TBC1D24: variants seen among roughly 807,000 people sequenced by gnomAD.
TBC1D24 encodes TBC1 domain family member 24, also known as Infantile myoclonic epilepsy.
TBC1D24 carries 47 observed loss-of-function variants against 50.7 expected under a neutral mutation model. That is an observed-to-expected ratio of 0.93 (90% CI 0.73 to 1.18). TBC1D24 has a LOEUF of 1.18. Ranked by LOEUF, TBC1D24 falls within the 50% of genes most tolerant of loss-of-function variation. The pLI is 0.00. For synonymous variants in TBC1D24, 324 were observed against 335.2 expected (o/e 0.97, Z 0.36); for missense variants, 688 against 766.5 (o/e 0.90, Z 1.21).
In TBC1D24 at chr16:2,486,322, C is replaced by T. The variant is rs1393013757; in HGVS notation, c.-115-9712C>T. ...CCCGGCCTCATTTCCTCTTCCTCTT[C>T]ATTCCCGGTCCCACTCCCAGGAAAT... On this transcript the variant is annotated intron_variant, in intron 1 of 7. Transcript: ENST00000646147. The surrounding 1 kb of genome is among the most constrained non-coding windows in gnomAD (Gnocchi z 5.8). 2.0e-5 allele frequency among the ~76,000 whole-genome samples: 3 copies of T among 152,238 alleles called. No homozygotes were observed. The highest frequency in any genetic ancestry group is 7.2e-5 in the African/African-American group (3 of 41,454).
rs1178760982 is a variant in TBC1D24, at chr16:2,497,130, C to CTGTGAGGG, written c.965+18_965+25dup. 1 of 1,599,550 alleles carries CTGTGAGGG rather than the reference C, an allele frequency of 6.3e-7. No individual in the cohort carries two copies. The highest frequency in any genetic ancestry group is 8.5e-7 in the Non-Finnish European group (1 of 1,179,918). On this transcript the variant is annotated intron_variant, in intron 2 of 7. Transcript: ENST00000646147. ...GCAGAAGAGGTAGGTCGCCGGCAGC[C>CTGTGAGGG]TGTGAGGGGTACACCCAGGGTCGGG...
chr16:2,478,488 T>TA (rs1359780813), intron 1 of TBC1D24: 2 of 152,282 alleles, frequency 1.3e-5, no homozygotes, highest in Admixed American at 1.3e-4. Flanking sequence ...GACTGGGCAG[T>TA]AAGCATATGT....
intron 1 of TBC1D24, among the ~76,000 whole-genome samples, chr16:2,493,858 G>A (rs542263284): frequency 2.6e-5 from 4 of 152,350 alleles, no homozygotes; most frequent in African/African-American, 9.6e-5. Context: ...TGTTCTTGGA[G>A]AAACACCAAC....
intron 1 of TBC1D24, among the ~76,000 whole-genome samples, chr16:2,495,458 G>A (rs893378654): frequency 6.6e-6 from 1 of 152,168 alleles, no homozygotes; most frequent in African/African-American, 2.4e-5. Context: ...CCAGCCTGGA[G>A]AGCATAGCGA....
chr16:2,492,785 A>G (rs535810617), intron 1 of TBC1D24, among the ~76,000 whole-genome samples: 4 of 152,126 alleles, frequency 2.6e-5, no homozygotes, highest in African/African-American at 7.2e-5. Context: ...TGCTGTGGGC[A>G]AGGTTTTTCC....
rs1018291192 is a variant in TBC1D24, at chr16:2,503,038, C to T, written c.*2080C>T. On this transcript the variant is annotated 3_prime_UTR_variant, in exon 8 of 8. Transcript: ENST00000646147. ...CCTCCAGGAGCAGGGAAGTCATATC[C>T]GTGGACCATTTGTAGGTTTCCCTCT... 4.6e-5 allele frequency: 7 copies of T among 152,370 alleles called. No individual in the cohort carries two copies. The highest frequency in any genetic ancestry group is 2.1e-4 in the South Asian group (1 of 4,830). 9.4% of individuals were successfully genotyped at this position (152,370 alleles called of 1,614,324 possible).
rs267607103 is a variant in TBC1D24, at chr16:2,496,587, G to A, written c.439G>A (p.Asp147Asn). 6.6e-5 allele frequency: 106 copies of A among 1,609,514 alleles called. 1 individual carries two copies. In the East Asian group the frequency reaches 1.4e-3, roughly 21 times the overall value. ...VVALLLHYSI[D>N]EAECFEKACR... ...GGCCCTGCTGCTGCACTACAGCATC[G>A]ACGAGGCCGAGTGCTTCGAGAAGGC... The change falls in exon 2 of 8, where the codon GAC (aspartate) becomes AAC (asparagine). Residue 147 changes from aspartate (D) to asparagine (N), a missense_variant. Transcript: ENST00000646147.
chr16:2,495,695 C>T (rs1447647050), intron 1 of TBC1D24, among the ~76,000 whole-genome samples: 1 of 152,084 alleles, frequency 6.6e-6, no homozygotes, highest in Non-Finnish European at 1.5e-5. Flanking sequence ...TGGAGAATCG[C>T]TTGAACCAGG....
chr16:2,487,454 G>A lies in TBC1D24; in HGVS notation c.-115-8580G>A, dbSNP rs2065659624. Among the ~76,000 whole-genome samples the A allele has an allele frequency of 6.6e-6, 1 of 152,244 alleles. No homozygotes were observed. The highest frequency in any genetic ancestry group is 2.4e-5 in the African/African-American group (1 of 41,470). On this transcript the variant is annotated intron_variant, in intron 1 of 7. Transcript: ENST00000646147. This position sits in a 1 kb window ranked among gnomAD's most constrained non-coding sequence, Gnocchi z 4.1. ...GGGTTGGTGTTGGCCGTGTTAAAAT[G>A]TCATCAATGAGGCTAAATGTGTGTT...
chr16:2,478,546 G>A (rs897960063), intron 1 of TBC1D24: 1 of 152,260 alleles, frequency 6.6e-6, no homozygotes, highest in Non-Finnish European at 1.5e-5. Context: ...AGCATTTTGG[G>A]GATGCTGTGT....
chr16:2,496,267 G>A lies in TBC1D24; in HGVS notation c.119G>A (p.Arg40His), dbSNP rs760474458. Residue 40 changes from arginine to histidine, a missense_variant, in exon 2 of 8, where the codon CGC becomes CAC. Transcript: ENST00000646147. Reference protein sequence around the residue: ...TELQELKQLARQGYWAQSHAL... With the variant: ...TELQELKQLAHQGYWAQSHAL... ...CTGCAGGAACTGAAGCAGCTGGCGC[G>A]CCAGGGCTACTGGGCCCAAAGCCAC... 3.7e-6 allele frequency: 6 copies of A among 1,613,774 alleles called. No individual in the cohort carries two copies. The highest frequency in any genetic ancestry group is 4.5e-5 in the East Asian group (2 of 44,878).
At position 2,499,698 on chromosome 16, in the gene TBC1D24, C is replaced by T. The variant is rs959033323; in HGVS notation, c.1207-137C>T. ...GCAACACTGCCTTTCCCACACCACT[C>T]CTGCCCTGGGGTGGGGGTGGGAGAC... On this transcript the variant is annotated intron_variant, in intron 5 of 7. Transcript: ENST00000646147. This position sits in a 1 kb window ranked among gnomAD's most constrained non-coding sequence, Gnocchi z 4.0. 2.3e-6 allele frequency: 2 copies of T among 852,842 alleles called. No individual in the cohort carries two copies. Among genetic ancestry groups the T allele is most frequent in the African/African-American group, 3.3e-5 (2 of 60,138 alleles). 52.8% of individuals were successfully genotyped at this position (852,842 alleles called of 1,614,324 possible). A position where few individuals can be genotyped will look rare whatever the true frequency, so the allele number is the denominator to read the frequency against.
In TBC1D24 at chr16:2,489,325, G is replaced by A. The variant is rs542078233; in HGVS notation, c.-115-6709G>A. On this transcript the variant is annotated intron_variant, in intron 1 of 7. Coordinates refer to ENST00000646147, the MANE Select transcript of TBC1D24 (RefSeq NM_001199107.2). ...TGGGCGTCTGTAGTCCCAGCTACTC[G>A]GGAGGCTGAGGCAGGAGAATGGTGT... Among the ~76,000 whole-genome samples, 12 of 152,092 alleles carry A rather than the reference G, an allele frequency of 7.9e-5. No homozygotes were observed. In the South Asian group the frequency reaches 1.7e-3, roughly 21 times the overall value.
At position 2,499,306 on chromosome 16, in the gene TBC1D24, C is replaced by T. The variant is rs1446504375; in HGVS notation, c.1143-51C>T. On this transcript the variant is annotated intron_variant, in intron 4 of 7. Coordinates refer to ENST00000646147, the MANE Select transcript of TBC1D24 (RefSeq NM_001199107.2). The surrounding 1 kb of genome is among the most constrained non-coding windows in gnomAD (Gnocchi z 4.0). ...TGGGGCCAGCGGAGGCTGCAGGAGG[C>T]GGCTGGGAGGGTGTGCAGGGTGACA... 2.0e-5 allele frequency: 31 copies of T among 1,556,048 alleles called. No individual in the cohort carries two copies. Among genetic ancestry groups the T allele is most frequent in the Non-Finnish European group, 2.6e-5 (29 of 1,137,178 alleles).
chr16:2,499,058 C>T lies in TBC1D24; in HGVS notation c.1143-299C>T, dbSNP rs928954132. 7.9e-5 allele frequency among the ~76,000 whole-genome samples: 12 copies of T among 152,346 alleles called. No individual in the cohort carries two copies. The highest frequency in any genetic ancestry group is 2.6e-4 in the African/African-American group (11 of 41,576). On this transcript the variant is annotated intron_variant, in intron 4 of 7. Transcript: ENST00000646147. This position sits in a 1 kb window ranked among gnomAD's most constrained non-coding sequence, Gnocchi z 4.0. ...TGGGCTGCGAGGATGGCCCAAACCT[C>T]CCCACCGCAGGGACCTGTTCCTCTG... is the stretch of plus-strand genomic sequence containing the variant.
chr16:2,499,568 G>T lies in TBC1D24; in HGVS notation c.1206+148G>T. 2 of 788,738 alleles carry T rather than the reference G, an allele frequency of 2.5e-6. No individual in the cohort carries two copies. Among genetic ancestry groups the T allele is most frequent in the Non-Finnish European group, 4.3e-6 (2 of 463,226 alleles). The allele number at this position is 788,738 out of a possible 1,614,324, so 48.9% of individuals were successfully genotyped here. ...AGCGTGGGTATGGCCAGCACATGGG[G>T]CTCATCCCACACTCAGGGCCACAAG... On this transcript the variant is annotated intron_variant, in intron 5 of 7. Coordinates refer to ENST00000646147, the MANE Select transcript of TBC1D24 (RefSeq NM_001199107.2). This position sits in a 1 kb window ranked among gnomAD's most constrained non-coding sequence, Gnocchi z 4.0.
chr16:2,496,800 G>T lies in TBC1D24; in HGVS notation c.652G>T (p.Gly218Trp). 1 of 1,613,982 alleles carries T rather than the reference G, an allele frequency of 6.2e-7. No individual in the cohort carries two copies. Among genetic ancestry groups the T allele is most frequent in the Non-Finnish European group, 8.5e-7 (1 of 1,180,042 alleles). ...VYADWQRWLF[G>W]ELPLCYFARV... ...TGCGGACTGGCAGCGCTGGCTGTTT[G>T]GGGAGCTGCCCCTCTGCTACTTCGC... Residue 218 changes from glycine (G) to tryptophan (W), a missense_variant, in exon 2 of 8, where the codon GGG becomes TGG. Coordinates refer to ENST00000646147, the MANE Select transcript of TBC1D24 (RefSeq NM_001199107.2).
chr16:2,492,152 T>C (rs940454684), intron 1 of TBC1D24, among the ~76,000 whole-genome samples: 2 of 152,176 alleles, frequency 1.3e-5, no homozygotes, highest in African/African-American at 4.8e-5. Context: ...ACCTGGTTTT[T>C]ATAGATGCCT....
intron 1 of TBC1D24, chr16:2,480,586 GCCATTCGGTTT>G (rs1232484975): frequency 4.0e-5 from 6 of 151,796 alleles, no homozygotes; most frequent in Non-Finnish European, 8.8e-5. Flanking sequence ...TTACTGGTGG[GCCATTCGGTTT>G]CCAGTAAAAG....
Sources: allele counts gnomAD v4.1 joint callset (sites outside exome capture counted in the v4.1 genomes callset), GRCh38; gene constraint gnomAD v4.1.1; non-coding constraint Gnocchi (gnomAD v3.1); transcripts MANE v1.5; gene names NCBI Gene and HGNC (gene_info 2026-07-23, HGNC 2026-07-21).